The following FLT3 variants were observed in gnomAD, a reference collection of about 807,000 sequenced individuals.
FLT3 encodes the protein fms related receptor tyrosine kinase 3.
A neutral mutation model predicts 126.6 loss-of-function variants in FLT3; 46 were observed. That is an observed-to-expected ratio of 0.36 (90% CI 0.29 to 0.46). The LOEUF is 0.46. FLT3 is among the 20% of genes least tolerant of loss of function. The pLI is 1.00. For missense variants in FLT3, 1,069 were observed against 1,190.3 expected (o/e 0.90, Z 1.50); for synonymous variants, 404 against 434.4 (o/e 0.93, Z 0.87).
chr13:28,100,085 A>T lies in FLT3; in HGVS notation c.43+383T>A, dbSNP rs1211168600. ...GCCGGGCCAGGAGAGGTCCTTGGCC[A>T]CCTGGCGCCGAGTTCGCGGCCGCAG... On this transcript the variant is annotated intron_variant, in intron 1 of 23. Transcript: ENST00000241453. The surrounding 1 kb of genome is among the most constrained non-coding windows in gnomAD (Gnocchi z 4.8). Among the ~76,000 whole-genome samples, 8 of 152,082 alleles carry T rather than the reference A, an allele frequency of 5.3e-5. No individual in the cohort carries two copies. Among genetic ancestry groups the T allele is most frequent in the Non-Finnish European group, 1.0e-4 (7 of 68,002 alleles).
intron 1 of FLT3, among the ~76,000 whole-genome samples, chr13:28,074,570 T>G (rs1054334674): frequency 6.6e-6 from 1 of 152,154 alleles, no homozygotes. Flanking sequence ...TCGCTAACAT[T>G]TGGTATGATG....
At chr13:28,040,786 C>G (rs959372818) in intron 9 of FLT3, among the ~76,000 whole-genome samples, 1 of 151,880 alleles carries the variant, frequency 6.6e-6, no homozygotes, top group African/African-American at 2.4e-5. Context: ...TACTTGAGCC[C>G]AGGAGTTTGA....
chr13:28,037,558 T>C (rs539427015), intron 9 of FLT3, among the ~76,000 whole-genome samples: 6 of 152,288 alleles, frequency 3.9e-5, no homozygotes, highest in African/African-American at 7.2e-5. Context: ...GAATCTGCAT[T>C]TTAAGATGAT....
chr13:28,045,994 A>T (rs1035890801), intron 9 of FLT3, among the ~76,000 whole-genome samples: 16 of 149,618 alleles, frequency 1.1e-4, no homozygotes, highest in African/African-American at 3.9e-4. Flanking sequence ...GTGTCTGGAG[A>T]TATTTTTGGT....
At chr13:28,040,133 T>C (rs1243928284) in intron 9 of FLT3, among the ~76,000 whole-genome samples, 6 of 152,178 alleles carry the variant, frequency 3.9e-5, no homozygotes, top group Non-Finnish European at 7.3e-5. Context: ...GTGACGGAAA[T>C]TGAGGACACA....
chr13:28,072,460 G>A (rs956436876), intron 1 of FLT3, among the ~76,000 whole-genome samples: 25 of 151,824 alleles, frequency 1.6e-4, no homozygotes, highest in African/African-American at 5.3e-4. Context: ...GCAGTGGCAC[G>A]ATCACTGCTC....
In FLT3 at chr13:28,035,989, T is replaced by G; in HGVS notation, c.1364A>C (p.Asp455Ala). The G allele has an allele frequency of 6.2e-7, 1 of 1,614,192 alleles. No individual in the cohort carries two copies. Among genetic ancestry groups the G allele is most frequent in the South Asian group, 1.1e-5 (1 of 91,080 alleles). ...ASASQASCFS[D>A]GYPLPSWTWK... ...GGTCCAAGATGGTAATGGGTATCCA[T>G]CCGAGAAACAGGACGCCTGACTTGC... Residue 455 changes from aspartate (D) to alanine (A), a missense_variant, in exon 11 of 24, where the codon GAT becomes GCT. Physicochemically the swap from Asp to Ala is moderately radical, Grantham distance 126 (BLOSUM62 -2). Coordinates refer to ENST00000241453, the MANE Select transcript of FLT3 (RefSeq NM_004119.3).
At chr13:28,031,507 G>A (rs940136844) in intron 15 of FLT3, among the ~76,000 whole-genome samples, 17 of 152,110 alleles carry the variant, frequency 1.1e-4, no homozygotes, top group African/African-American at 3.9e-4. Context: ...TGGACAGATG[G>A]GACAACAATT....
intron 17 of FLT3, among the ~76,000 whole-genome samples, chr13:28,025,671 AGTGGATAC>A (rs1164521350): frequency 3.9e-5 from 6 of 152,246 alleles, no homozygotes; most frequent in Non-Finnish European, 5.9e-5. Context: ...AGTACTGACC[AGTGGATAC>A]TGGTCACACA....
At chr13:28,099,635 G>A (rs945022419) in intron 1 of FLT3, among the ~76,000 whole-genome samples, 4 of 152,074 alleles carry the variant, frequency 2.6e-5, no homozygotes, top group African/African-American at 4.8e-5. Context: ...CGGAGCTGCC[G>A]GGCACCCAGA....
chr13:28,071,511 C>CT (rs983692304), intron 1 of FLT3, among the ~76,000 whole-genome samples: 3 of 152,096 alleles, frequency 2.0e-5, no homozygotes, highest in African/African-American at 7.2e-5. Context: ...CTTCTCTCCT[C>CT]TTTACTTTCT....
At chr13:28,080,173 C>T (rs375841767) in intron 1 of FLT3, among the ~76,000 whole-genome samples, 14 of 152,108 alleles carry the variant, frequency 9.2e-5, no homozygotes, top group East Asian at 5.8e-4. Context: ...GTCAGGAGTT[C>T]GAGACCAGCC....
At chr13:28,010,152 C>T (rs1007206680) in intron 23 of FLT3, among the ~76,000 whole-genome samples, 2 of 152,198 alleles carry the variant, frequency 1.3e-5, no homozygotes, top group Admixed American at 6.5e-5. Context: ...GCGCCTTCCA[C>T]GTGCTAAGCA....
At chr13:28,076,011 G>A (rs951913054) in intron 1 of FLT3, among the ~76,000 whole-genome samples, 1 of 152,036 alleles carries the variant, frequency 6.6e-6, no homozygotes, top group African/African-American at 2.4e-5. Context: ...TGGCCAGGCT[G>A]GTCTGGAACT....
chr13:28,088,387 AG>A (rs1262472372), intron 1 of FLT3, among the ~76,000 whole-genome samples: 2 of 151,940 alleles, frequency 1.3e-5, no homozygotes, highest in Non-Finnish European at 2.9e-5. Context: ...TCCCAGGTTC[AG>A]GTGATTCTCA....
chr13:28,082,871 T>TGCTAC (rs1456242105), intron 1 of FLT3, among the ~76,000 whole-genome samples: 1 of 148,594 alleles, frequency 6.7e-6, no homozygotes, highest in African/African-American at 2.4e-5. Flanking sequence ...GCCCAGCTAC[T>TGCTAC]TTTTTTTTGT....
At chr13:28,092,225 T>C (rs1879159324) in intron 1 of FLT3, among the ~76,000 whole-genome samples, 1 of 152,092 alleles carries the variant, frequency 6.6e-6, no homozygotes, top group Non-Finnish European at 1.5e-5. Context: ...GCCCCACCTC[T>C]TCCTATCTCC....
chr13:28,084,770 T>C (rs1004772187), intron 1 of FLT3, among the ~76,000 whole-genome samples: 1 of 151,864 alleles, frequency 6.6e-6, no homozygotes, highest in African/African-American at 2.4e-5. Context: ...GGTCAGGAGA[T>C]TGAGACCATC....
intron 19 of FLT3, among the ~76,000 whole-genome samples, chr13:28,018,835 GAGC>G (rs1872123229): frequency 6.6e-6 from 1 of 152,212 alleles, no homozygotes; most frequent in South Asian, 2.1e-4. Context: ...GGCCAAAGAG[GAGC>G]AGATCTTTTG....
Sources: gnomAD v4.1 joint callset for allele counts (sites outside exome capture counted in the v4.1 genomes callset) on GRCh38, gnomAD v4.1.1 for gene constraint, Gnocchi (gnomAD v3.1) non-coding constraint, MANE v1.5 for transcripts, NCBI Gene and HGNC (gene_info 2026-07-23, HGNC 2026-07-21) for gene names.